Variants in INTS2 observed in about 807,000 individuals in gnomAD.
INTS2 encodes the protein integrator complex subunit 2, also known as KIAA1287.
In INTS2, 57 loss-of-function variants were observed where a neutral mutation model predicts 139.6. That is an observed-to-expected ratio of 0.41 (90% CI 0.33 to 0.51). The LOEUF (loss-of-function observed/expected upper bound fraction) is 0.51. INTS2 is among the 20% of genes least tolerant of loss of function. The probability of loss-of-function intolerance (pLI) is 0.28; values close to 1 mark genes in which losing one functional copy is unlikely to be tolerated. For synonymous variants in INTS2, 473 were observed against 493.4 expected, an observed-to-expected ratio of 0.96 and a Z score of 0.55; for missense variants, 1,196 against 1,436.7, an observed-to-expected ratio of 0.83 and a Z score of 2.71.
intron 17 of INTS2, 123 bp from the exon 18 acceptor site, chr17:61,878,211 A>G: frequency 1.6e-6 from 1 of 637,018 alleles, no homozygotes; most frequent in South Asian, 1.9e-5. Context: ...AAAAGTAACT[A>G]TAGTTACTTG....
intron 5 of INTS2, among the ~76,000 whole-genome samples, chr17:61,916,175 C>T (rs1394290735): frequency 6.6e-6 from 1 of 152,166 alleles, no homozygotes. Flanking sequence ...TGGCTCACAC[C>T]TGTAATCCCA....
chr17:61,888,159 C>T (rs753975771), intron 15 of INTS2, among the ~76,000 whole-genome samples: 10 of 151,858 alleles, frequency 6.6e-5, no homozygotes, highest in Non-Finnish European at 1.5e-4. Flanking sequence ...CTGCTCGAGC[C>T]CAGGAGTTTG....
chr17:61,881,339 G>A (rs1016903025), intron 16 of INTS2, among the ~76,000 whole-genome samples, 168 bp from the exon 17 acceptor site: 7 of 152,196 alleles, frequency 4.6e-5, no homozygotes, highest in African/African-American at 1.4e-4. Context: ...GCTCATGCCT[G>A]TAATCCCAGC....
In INTS2 at chr17:61,873,178, G is replaced by A. The variant is rs1347137433; in HGVS notation, c.2583-718C>T. ...AAAAAGTAGAAATAAAATATCCTAG[G>A]GGATTGGGTTAAGCATAGCTCTATA... On this transcript the variant is annotated intron_variant, in intron 19 of 24. Transcript: ENST00000251334. The surrounding 1 kb of genome is among the most constrained non-coding windows in gnomAD (Gnocchi z 4.0). Among the ~76,000 whole-genome samples, 1 of 152,030 alleles carries A rather than the reference G, an allele frequency of 6.6e-6. No homozygotes were observed. The highest frequency in any genetic ancestry group is 2.4e-5 in the African/African-American group (1 of 41,402).
Position 61,908,734 on chromosome 17 carries a change from T to C in INTS2, c.955-1100A>G, listed in dbSNP as rs2079492313. Among the ~76,000 whole-genome samples, 3 of 152,168 alleles carry C rather than the reference T, an allele frequency of 2.0e-5. No homozygotes were observed. The South Asian group carries it at 6.2e-4, about 32-fold the overall frequency. On this transcript the variant is annotated intron_variant, in intron 7 of 24. Coordinates refer to ENST00000251334, the MANE Select transcript of INTS2 (RefSeq NM_001351695.2). ...AAGACAACTACAAACAAGATGAGCA[T>C]GCCAAGTGCTTAAGGCAGTACCTGA... is the stretch of plus-strand genomic sequence containing the variant.
intron 17 of INTS2, among the ~76,000 whole-genome samples, chr17:61,879,200 G>GT (rs1264914072): frequency 6.6e-6 from 1 of 150,402 alleles, no homozygotes; most frequent in Admixed American, 6.7e-5. Flanking sequence ...GATAACAGGC[G>GT]TGAGTCACTG....
chr17:61,879,906 T>C (rs1298824295), intron 17 of INTS2, among the ~76,000 whole-genome samples: 1 of 152,180 alleles, frequency 6.6e-6, no homozygotes. Context: ...TTTAAATTAG[T>C]GTTGCCTGTT....
intron 5 of INTS2, among the ~76,000 whole-genome samples, chr17:61,918,005 T>C (rs1470033859): frequency 6.6e-6 from 1 of 151,932 alleles, no homozygotes; most frequent in Non-Finnish European, 1.5e-5. Context: ...CAAAAGAGCT[T>C]TGAAATACAT....
chr17:61,907,163 T>C (rs1236428972), intron 8 of INTS2, among the ~76,000 whole-genome samples: 1 of 152,130 alleles, frequency 6.6e-6, no homozygotes, highest in Non-Finnish European at 1.5e-5. Flanking sequence ...TGATTGGAAA[T>C]TGATAAACTG....
chr17:61,883,523 G>A (rs149624753), intron 16 of INTS2, among the ~76,000 whole-genome samples: 1,733 of 152,212 alleles, frequency 0.011, 41 homozygotes, highest in African/African-American at 0.038. Flanking sequence ...GGAGGCTGAC[G>A]TGGGTGGATC....
Position 61,867,903 on chromosome 17 carries a change from C to T in INTS2, c.3351G>A (p.Leu1117=). 6.2e-7 allele frequency: 1 copy of T among 1,612,056 alleles called. No individual in the cohort carries two copies. The highest frequency in any genetic ancestry group is 8.5e-7 in the Non-Finnish European group (1 of 1,179,296). The change falls in exon 24 of 25, where the codon CTG becomes CTA. Residue 1117 remains leucine, a synonymous_variant. Coordinates refer to ENST00000251334, the MANE Select transcript of INTS2 (RefSeq NM_001351695.2). This position sits in a 1 kb window ranked among gnomAD's most constrained non-coding sequence, Gnocchi z 5.6. ...AGGCACAAACTTGCCCTATTTGGAT[C>T]AGCAAAGACATAATATCCTCATACA... ...PPLYEDIMSL[L]IQIGQVCASD...
At position 61,907,534 on chromosome 17, in the gene INTS2, A is replaced by G. The variant is rs61752320; in HGVS notation, c.1055T>C (p.Val352Ala). ...ILPTVRSTRIVEEADVDMEPN... is the reference protein window; with the variant it reads ...ILPTVRSTRIAEEADVDMEPN... ...CTCCATATCCACATCAGCTTCTTCC[A>G]CAATTCGGGTGCTTCTTACTGTGGG... Residue 352 changes from valine (V) to alanine (A), a missense_variant, in exon 8 of 25, where the codon GTG becomes GCG. This residue lies in a region of INTS2 where 1,129 missense variants were observed against 1,341.9 expected (regional missense o/e 0.84). Transcript: ENST00000251334. 2.0e-3 allele frequency: 3,165 copies of G among 1,595,970 alleles called. 4 individuals carry two copies. The highest frequency in any genetic ancestry group is 3.6e-3 in the South Asian group (312 of 87,394).
intron 6 of INTS2, 58 bp downstream of exon 6, chr17:61,911,882 G>A: frequency 1.3e-6 from 2 of 1,555,314 alleles, no homozygotes; most frequent in Non-Finnish European, 1.7e-6. Context: ...ACCATCTTGA[G>A]AAGAGTTCTT....
chr17:61,867,323 A>T lies in INTS2; in HGVS notation c.*234T>A. ...ATGTGTTCCCAGTGGAAAAAAAAAA[A>T]GCTCAGCTGCTACAATAGAAACATA... On this transcript the variant is annotated 3_prime_UTR_variant, in exon 25 of 25. Transcript: ENST00000251334. The surrounding 1 kb of genome is among the most constrained non-coding windows in gnomAD (Gnocchi z 5.6). The T allele has an allele frequency of 3.5e-6, 1 of 286,322 alleles. No homozygotes were observed. The highest frequency in any genetic ancestry group is 6.4e-6 in the Non-Finnish European group (1 of 155,366). 17.7% of individuals were successfully genotyped at this position (286,322 alleles called of 1,614,324 possible).
Position 61,869,755 on chromosome 17 carries a change from A to C in INTS2, c.3012T>G (p.Ala1004=). ...HQMYIADPNI[A]KLVHFQGYPC... ...AACAGACCTGAAAGTGAACAAGCTT[A>C]GCAATGTTGGGATCTGCAATGTACA... The change falls in exon 21 of 25, where the codon GCT becomes GCG. Residue 1004 remains alanine (A), a synonymous_variant. Transcript: ENST00000251334. The surrounding 1 kb of genome is among the most constrained non-coding windows in gnomAD (Gnocchi z 5.4). The C allele has an allele frequency of 6.2e-7, 1 of 1,613,684 alleles. No homozygotes were observed.
At chr17:61,888,574 T>TGCGTGCGTGC (rs2079254756) in intron 15 of INTS2, among the ~76,000 whole-genome samples, 3 of 151,754 alleles carry the variant, frequency 2.0e-5, no homozygotes, top group Non-Finnish European at 4.4e-5. Flanking sequence ...CGTGTGTGTG[T>TGCGTGCGTGC]GTGTGTGTGT....
intron 5 of INTS2, 144 bp downstream of exon 5, chr17:61,919,256 A>G (rs1024885533): frequency 1.3e-5 from 7 of 543,928 alleles, no homozygotes; most frequent in East Asian, 6.4e-5. Flanking sequence ...TGTGAACTCA[A>G]TATTTCTTTA....
At chr17:61,922,446 A>C (rs1436066205) in intron 3 of INTS2, among the ~76,000 whole-genome samples, 10 of 140,042 alleles carry the variant, frequency 7.1e-5, no homozygotes, top group Non-Finnish European at 1.5e-4. Context: ...CCACACTGGG[A>C]GACAGAATGA....
Position 61,911,602 on chromosome 17 carries a change from A to G in INTS2, c.872T>C (p.Val291Ala), listed in dbSNP as rs756117414. The change falls in exon 7 of 25, where the codon GTT becomes GCT. Residue 291 changes from valine to alanine, a missense_variant. Val to Ala is a moderately conservative substitution (Grantham distance 64). Around this residue, in one of 3 missense-constraint regions of INTS2, gnomAD observed 1,129 missense variants for 1,341.9 expected, o/e 0.84. Coordinates refer to ENST00000251334, the MANE Select transcript of INTS2 (RefSeq NM_001351695.2). ...AAGAAGCAAACCACTTACAAAACAA[A>G]CCAAGTCACTCACTCCATCCTCACA... ...EACEDGVSDL[V>A]CFVSGLLLGT... 6.2e-7 allele frequency: 1 copy of G among 1,613,962 alleles called. No individual in the cohort carries two copies. The highest frequency in any genetic ancestry group is 8.5e-7 in the Non-Finnish European group (1 of 1,179,878).
Sources: allele counts gnomAD v4.1 joint callset (sites outside exome capture counted in the v4.1 genomes callset), GRCh38; gene constraint gnomAD v4.1.1; regional missense constraint gnomAD v4.1.1; non-coding constraint Gnocchi (gnomAD v3.1); transcripts MANE v1.5; gene names NCBI Gene and HGNC (gene_info 2026-07-23, HGNC 2026-07-21).